The following PEG3 variants were observed in gnomAD, a reference collection of about 807,000 sequenced individuals.
The protein encoded by PEG3 is paternally-expressed gene 3 protein.
Under a neutral mutation model 35.5 loss-of-function variants are expected in PEG3, and 23 were observed. That is an observed-to-expected ratio of 0.65 (90% CI 0.47 to 0.92). The LOEUF is 0.92. PEG3 is among the 40% of genes least tolerant of loss of function. PEG3 has a pLI of 0.00. For missense variants in PEG3, 1,960 were observed against 1,985.3 expected (o/e 0.99, Z 0.24); for synonymous variants, 707 against 697.0 (o/e 1.01, Z -0.23).
intron 7 of PEG3, 122 bp from the exon 8 acceptor site, chr19:56,818,824 G>A: frequency 8.8e-7 from 1 of 1,131,510 alleles, no homozygotes; most frequent in South Asian, 1.4e-5. Flanking sequence ...CACGGTATTG[G>A]GGTTCTGAGT....
rs1419885147 is a variant in PEG3, at chr19:56,816,839, A to G, written c.1603T>C (p.Cys535Arg). Residue 535 changes from cysteine (C) to arginine (R), a missense_variant, in exon 10 of 10, where the codon TGT (cysteine) becomes CGT (arginine). Transcript: ENST00000326441. ...GCTTCCTCACATTCCTGATTCTTAC[A>G]TTCCACAAGATAACCTCTAGCATGA... Reference protein sequence around the residue: ...KIHARGYLVECKNQECEEAFM... With the variant: ...KIHARGYLVERKNQECEEAFM... 1 of 1,614,130 alleles carries G rather than the reference A, an allele frequency of 6.2e-7. No individual in the cohort carries two copies.
chr19:56,827,172 G>A (rs1807714706), intron 2 of PEG3, among the ~76,000 whole-genome samples: 1 of 152,158 alleles, frequency 6.6e-6, no homozygotes, highest in South Asian at 2.1e-4. Context: ...GAAAAGAGAT[G>A]GAGGACTTCC....
chr19:56,822,783 G>C lies in PEG3; in HGVS notation c.535C>G (p.Arg179Gly). 6.2e-7 allele frequency: 1 copy of C among 1,614,140 alleles called. No individual in the cohort carries two copies. The highest frequency in any genetic ancestry group is 2.2e-5 in the East Asian group (1 of 44,884). Residue 179 changes from arginine (R) to glycine (G), a missense_variant, in exon 6 of 10, where the codon CGC becomes GGC. Physicochemically the swap from Arg to Gly is moderately radical, Grantham distance 125. Coordinates refer to ENST00000326441, the MANE Select transcript of PEG3 (RefSeq NM_006210.3). ...CTTGGGTTCCTGGTGTGGGACCAGC[G>C]GTCTCGTGGCTCCATGTCTCTGCTT... Reference protein sequence around the residue: ...GRSRDMEPRDRWSHTRNPRSR... With the variant: ...GRSRDMEPRDGWSHTRNPRSR...
chr19:56,824,150 GC>G, intron 4 of PEG3, 111 bp downstream of exon 4: 1 of 1,501,402 alleles, frequency 6.7e-7, no homozygotes, highest in Non-Finnish European at 8.9e-7. Context: ...CCCCACCGCT[GC>G]CCAGGACAGA....
In PEG3 at chr19:56,837,125, C is replaced by T. The variant is rs535718036; in HGVS notation, c.-249-1021G>A. Among the ~76,000 whole-genome samples the T allele has an allele frequency of 1.7e-4, 26 of 152,196 alleles. No homozygotes were observed. The East Asian group carries it at 1.9e-3, about 11-fold the overall frequency. On this transcript the variant is annotated intron_variant, in intron 1 of 9. Coordinates refer to ENST00000326441, the MANE Select transcript of PEG3 (RefSeq NM_006210.3). ...GCTAGGTAAGTGAGCTCTAGGACTC[C>T]GTAGGAGAGCTAGGGCTGGGAGGGC...
At position 56,812,947 on chromosome 19, in the gene PEG3, A is replaced by C; in HGVS notation, c.*728T>G. On this transcript the variant is annotated 3_prime_UTR_variant, in exon 10 of 10. Coordinates refer to ENST00000326441, the MANE Select transcript of PEG3 (RefSeq NM_006210.3). ...CAATCCGTATATTGTAAAGCCTTACACAGTATTAGGTTCCAAAGTGTTGGC... is the reference window on the plus strand; with the variant it reads ...CAATCCGTATATTGTAAAGCCTTACCCAGTATTAGGTTCCAAAGTGTTGGC... The C allele has an allele frequency of 1.0e-6, 1 of 985,830 alleles. No individual in the cohort carries two copies. Among genetic ancestry groups the C allele is most frequent in the Non-Finnish European group, 1.2e-6 (1 of 829,896 alleles). 61.1% of individuals were successfully genotyped at this position (985,830 alleles called of 1,614,324 possible).
At position 56,823,377 on chromosome 19, in the gene PEG3, A is replaced by C. The variant is rs139403207; in HGVS notation, c.481+216T>G. ...AATAGCTTTATATACTTTATCGTTGAATAAAACGGTATTAAGTATTTAAGG... is the reference window on the plus strand; with the variant it reads ...AATAGCTTTATATACTTTATCGTTGCATAAAACGGTATTAAGTATTTAAGG... On this transcript the variant is annotated intron_variant, in intron 5 of 9. Transcript: ENST00000326441. 2.8e-3 allele frequency among the ~76,000 whole-genome samples: 428 copies of C among 152,308 alleles called. 1 individual carries two copies. Among genetic ancestry groups the C allele is most frequent in the South Asian group, 7.3e-3 (35 of 4,822 alleles).
rs1046467329 is a variant in PEG3 at position 56,817,264 on chromosome 19, C to T, written c.1178G>A (p.Arg393His). 6.2e-6 allele frequency: 10 copies of T among 1,613,930 alleles called. No homozygotes were observed. Among genetic ancestry groups the T allele is most frequent in the Middle Eastern group, 1.6e-4 (1 of 6,084 alleles). The change falls in exon 10 of 10, where the codon CGC becomes CAC. Residue 393 changes from arginine to histidine, a missense_variant. Coordinates refer to ENST00000326441, the MANE Select transcript of PEG3 (RefSeq NM_006210.3). The stretch of plus-strand genomic sequence containing the variant: ...CTTCCCATCTGTGTCAAAATGATAG[C>T]GCCTCTTTCTTTCAAGAACTCTCTT... ...SRKRVLERKR[R>H]YHFDTDGKGS...
chr19:56,838,883 C>G (rs748683921), intron 1 of PEG3, among the ~76,000 whole-genome samples: 35 of 152,180 alleles, frequency 2.3e-4, no homozygotes, highest in Non-Finnish European at 4.9e-4. Flanking sequence ...ACCTATGCGG[C>G]AAACCGCAGC....
chr19:56,824,497 G>A lies in PEG3; in HGVS notation c.159C>T (p.Ile53=). Residue 53 remains isoleucine (I), a synonymous_variant, in exon 4 of 10, where the codon ATC becomes ATT. Transcript: ENST00000326441. The stretch of plus-strand genomic sequence containing the variant: ...TCCGAGGCCCAACAAATTCCACATA[G>A]ATTAGGTTCCGAAACCTCTGATGAA... ...EFFHQRFRNL[I]YVEFVGPRKT... The A allele has an allele frequency of 6.2e-7, 1 of 1,614,086 alleles. No individual in the cohort carries two copies. The highest frequency in any genetic ancestry group is 8.5e-7 in the Non-Finnish European group (1 of 1,180,028).
At chr19:56,828,593 C>T (rs1226480845) in intron 2 of PEG3, among the ~76,000 whole-genome samples, 1 of 152,094 alleles carries the variant, frequency 6.6e-6, no homozygotes, top group Non-Finnish European at 1.5e-5. Context: ...AAAGATGGGT[C>T]CAACTTTTCT....
intron 8 of PEG3, 140 bp from the exon 9 acceptor site, chr19:56,817,975 T>G: frequency 1.5e-6 from 1 of 661,852 alleles, no homozygotes; most frequent in East Asian, 2.7e-5. Flanking sequence ...CAGAAGACAT[T>G]TGCTGTCTCA....
At chr19:56,822,877 GACAC>G in intron 5 of PEG3, 41 bp from the exon 6 acceptor site, 1 of 1,596,552 alleles carries the variant, frequency 6.3e-7, no homozygotes, top group Non-Finnish European at 8.5e-7. Flanking sequence ...AAAGCTCTTT[GACAC>G]ACCTGTTTTC....
In PEG3 at chr19:56,815,849, T is replaced by A; in HGVS notation, c.2593A>T (p.Ile865Phe). ...TGTCGCTTATCATTAAGGTCTGAGA[T>A]ATAAATGGAGGATTCTCCCTTCTCA... ...SNEKGESSIY[I>F]SDLNDKRQKI... The change falls in exon 10 of 10, where the codon ATC becomes TTC. Residue 865 changes from isoleucine to phenylalanine, a missense_variant. Coordinates refer to ENST00000326441, the MANE Select transcript of PEG3 (RefSeq NM_006210.3). 6.2e-7 allele frequency: 1 copy of A among 1,613,762 alleles called. No homozygotes were observed. Among genetic ancestry groups the A allele is most frequent in the South Asian group, 1.1e-5 (1 of 91,026 alleles).
At chr19:56,827,860 C>A (rs922329169) in intron 2 of PEG3, among the ~76,000 whole-genome samples, 4 of 152,068 alleles carry the variant, frequency 2.6e-5, no homozygotes, top group Non-Finnish European at 4.4e-5. Context: ...AAAAGATGTG[C>A]TTAGACAGAT....
In PEG3 at chr19:56,811,976, T is replaced by A. The variant is rs1208844106; in HGVS notation, c.*1699A>T. ...TCTCAGCTCTACAATCTTCCTAAAC[T>A]TTGACACTCCCTGCATCTTTGACAT... On this transcript the variant is annotated 3_prime_UTR_variant, in exon 10 of 10. Transcript: ENST00000326441. 4 of 985,222 alleles carry A rather than the reference T, an allele frequency of 4.1e-6. No individual in the cohort carries two copies. Among genetic ancestry groups the A allele is most frequent in the Non-Finnish European group, 4.8e-6 (4 of 829,934 alleles). The allele number at this position is 985,222 out of a possible 1,614,324, so 61.0% of individuals were successfully genotyped here.
intron 7 of PEG3, among the ~76,000 whole-genome samples, chr19:56,820,665 C>G (rs1793441874): frequency 6.6e-6 from 1 of 152,214 alleles, no homozygotes; most frequent in African/African-American, 2.4e-5. Context: ...TCCCTTCAAT[C>G]CAAATCAAGG....
intron 6 of PEG3, 61 bp downstream of exon 6, chr19:56,822,692 G>T (rs1039516807): frequency 6.3e-7 from 1 of 1,592,908 alleles, no homozygotes; most frequent in African/African-American, 1.3e-5. Context: ...CTTTCCCCTT[G>T]AACCTGTGCA....
At position 56,818,648 on chromosome 19, in the gene PEG3, T is replaced by G; in HGVS notation, c.724A>C (p.Asn242His). ...VDLAEDRKPH[N>H]TIQDNMENYR... ...TTTTCCATGTTGTCCTGGATTGTGT[T>G]GTGAGGTTTCCTGTCCTCAGCGAGG... The change falls in exon 8 of 10, where the codon AAC becomes CAC. Residue 242 changes from asparagine to histidine, a missense_variant. Transcript: ENST00000326441. The G allele has an allele frequency of 6.2e-7, 1 of 1,614,202 alleles. No individual in the cohort carries two copies. The highest frequency in any genetic ancestry group is 8.5e-7 in the Non-Finnish European group (1 of 1,180,046).
Sources: gnomAD v4.1 joint callset for allele counts (sites outside exome capture counted in the v4.1 genomes callset) on GRCh38, gnomAD v4.1.1 for gene constraint, MANE v1.5 for transcripts, NCBI Gene and HGNC (gene_info 2026-07-23, HGNC 2026-07-21) for gene names.